MPP4: variants seen among roughly 807,000 people sequenced by gnomAD.
MPP4 encodes the protein MAGUK p55 subfamily member 4.
A neutral mutation model predicts 98.3 loss-of-function variants in MPP4; 91 were observed. The observed-to-expected ratio is 0.93, with a 90% confidence interval of 0.78 to 1.10. The LOEUF (loss-of-function observed/expected upper bound fraction) is 1.10. MPP4 is among the 50% of genes least tolerant of loss of function. MPP4 has a pLI of 0.00. For missense variants in MPP4, 744 were observed against 792.9 expected (o/e 0.94, Z 0.74); for synonymous variants, 261 against 271.8 (o/e 0.96, Z 0.39).
intron 13 of MPP4, chr2:201,665,063 CT>C (rs397868302): frequency 0.015 from 1,675 of 112,986 alleles, 15 homozygotes; most frequent in African/African-American, 0.05. Flanking sequence ...TACATCATTG[CT>C]TTTTTTTTTT....
At chr2:201,660,983 C>A (rs1193388532) in intron 14 of MPP4, among the ~76,000 whole-genome samples, 1 of 152,210 alleles carries the variant, frequency 6.6e-6, no homozygotes, top group African/African-American at 2.4e-5. Flanking sequence ...TGCAATGGTG[C>A]TATCTTGGCT....
At chr2:201,669,305 T>A (rs1305246887) in intron 12 of MPP4, among the ~76,000 whole-genome samples, 2 of 152,190 alleles carry the variant, frequency 1.3e-5, no homozygotes, top group Admixed American at 6.5e-5. Context: ...CTTCTCTCAG[T>A]GTCAATCTTT....
At chr2:201,678,261 T>C (rs778517214) in intron 10 of MPP4, among the ~76,000 whole-genome samples, 1 of 152,030 alleles carries the variant, frequency 6.6e-6, no homozygotes, top group Non-Finnish European at 1.5e-5. Flanking sequence ...CCATGAGGAC[T>C]AATCTCATTA....
intron 7 of MPP4, 92 bp from the exon 8 acceptor site, chr2:201,683,008 C>A: frequency 2.3e-6 from 2 of 874,262 alleles, no homozygotes; most frequent in Non-Finnish European, 1.9e-6. Context: ...ACTCACTAAC[C>A]CAAGCATGCT....
At chr2:201,668,883 C>G (rs916034297) in intron 12 of MPP4, among the ~76,000 whole-genome samples, 4 of 152,124 alleles carry the variant, frequency 2.6e-5, no homozygotes, top group Non-Finnish European at 5.9e-5. Flanking sequence ...CCCCTCTCTC[C>G]CTCACCTTCT....
In MPP4 at chr2:201,682,845, C is replaced by T. The variant is rs1688703663; in HGVS notation, c.646G>A (p.Val216Met). The change falls in exon 8 of 22, where the codon GTG (valine) becomes ATG (methionine). Residue 216 changes from valine to methionine, a missense_variant. By Grantham distance (21) the Val-to-Met change is conservative. Transcript: ENST00000409474. ...AGAAGATTTACCAGAATATGGATCA[C>T]TTGTTCAGGGTCCAGTCCCTCAACT... ...VSVEGLDPEQVIHILAMSRGT... is the reference protein window; with the variant it reads ...VSVEGLDPEQMIHILAMSRGT... 3.1e-6 allele frequency: 5 copies of T among 1,613,826 alleles called. No individual in the cohort carries two copies. The highest frequency in any genetic ancestry group is 1.1e-5 in the South Asian group (1 of 91,084).
intron 5 of MPP4, 83 bp from the exon 6 acceptor site, chr2:201,686,133 G>A: frequency 6.7e-7 from 1 of 1,491,868 alleles, no homozygotes; most frequent in East Asian, 2.4e-5. Flanking sequence ...TACTATCTAA[G>A]ACACAGCAAC....
intron 13 of MPP4, 48 bp downstream of exon 13, chr2:201,666,286 A>G: frequency 6.7e-7 from 1 of 1,481,782 alleles, no homozygotes; most frequent in South Asian, 1.3e-5. Context: ...TATAATTGAC[A>G]TGCTTCATAT....
rs6435092 is a variant in MPP4, at chr2:201,657,609, G to C, written c.1129+868C>G. ...GCCCTTGTTTTTTTTTTGTTTTTTTGTTTTTTTTTGCTTATTGTATCAATC... is the reference window on the plus strand; with the variant it reads ...GCCCTTGTTTTTTTTTTGTTTTTTTCTTTTTTTTTGCTTATTGTATCAATC... On this transcript the variant is annotated intron_variant, in intron 16 of 21. Coordinates refer to ENST00000409474, the MANE Select transcript of MPP4 (RefSeq NM_033066.3). 3.6e-5 allele frequency among the ~76,000 whole-genome samples: 4 copies of C among 111,690 alleles called. 1 individual carries two copies. The highest frequency in any genetic ancestry group is 3.7e-5 in the Non-Finnish European group (2 of 54,262). 73.3% of individuals were successfully genotyped at this position (111,690 alleles called of 152,430 possible).
In MPP4 at chr2:201,684,583, A is replaced by G. The variant is rs151337370; in HGVS notation, c.574+481T>C. Among the ~76,000 whole-genome samples the G allele has an allele frequency of 3.5e-3, 527 of 152,300 alleles. 4 individuals are homozygous for G. The highest frequency in any genetic ancestry group is 0.011 in the African/African-American group (469 of 41,542). On this transcript the variant is annotated intron_variant, in intron 7 of 21. Coordinates refer to ENST00000409474, the MANE Select transcript of MPP4 (RefSeq NM_033066.3). Reference sequence around the variant, plus strand: ...AGGAGAGGAGTAAGATTTCTCTGGAATATTTGTTTCTTCTTTCTTTACTGC... The same window carrying G: ...AGGAGAGGAGTAAGATTTCTCTGGAGTATTTGTTTCTTCTTTCTTTACTGC...
At chr2:201,654,998 C>G (rs1687813857) in intron 17 of MPP4, 81 bp from the exon 18 acceptor site, 2 of 887,364 alleles carry the variant, frequency 2.3e-6, no homozygotes, top group East Asian at 3.0e-5. Flanking sequence ...TTTAGTCCTT[C>G]TACTGAAGAA....
At chr2:201,683,053 G>C in intron 7 of MPP4, 137 bp from the exon 8 acceptor site, 63 of 562,700 alleles carry the variant, frequency 1.1e-4, no homozygotes, top group East Asian at 1.2e-4. Context: ...TAATAGAAAA[G>C]AAAGCTGGTT....
intron 18 of MPP4, among the ~76,000 whole-genome samples, chr2:201,652,351 C>T (rs1345312617): frequency 3.3e-5 from 5 of 151,962 alleles, no homozygotes; most frequent in African/African-American, 7.3e-5. Flanking sequence ...CTCAGCTACT[C>T]GGGAGGCTGA....
rs186378021 is a variant in MPP4 at position 201,685,976 on chromosome 2, G to C, written c.435C>G (p.Ile145Met). ...TCCTCATTGCTTCCTCACTCTCAGG[G>C]ATATTGTCTGGCAGTGGAGGGAGAA... ...EPLLPPLPDN[I>M]PESEEAMRIV... Residue 145 changes from isoleucine to methionine, a missense_variant, in exon 6 of 22, where the codon ATC (isoleucine) becomes ATG (methionine). Transcript: ENST00000409474. The C allele has an allele frequency of 1.5e-4, 241 of 1,613,052 alleles. No individual in the cohort carries two copies. The highest frequency in any genetic ancestry group is 1.9e-4 in the Non-Finnish European group (222 of 1,179,142).
In MPP4 at chr2:201,675,282, G is replaced by A. The variant is rs537634358; in HGVS notation, c.930-11C>T. On this transcript the variant is annotated splice_polypyrimidine_tract_variant and intron_variant, in intron 10 of 21. Coordinates refer to ENST00000409474, the MANE Select transcript of MPP4 (RefSeq NM_033066.3). Reference sequence around the variant, plus strand: ...AATTCCCGTTGCTTCCTATGGGGGGGAAAAAACCATGCGACAAAAAACAAA... The same window carrying A: ...AATTCCCGTTGCTTCCTATGGGGGGAAAAAAACCATGCGACAAAAAACAAA... 34 of 1,598,732 alleles carry A rather than the reference G, an allele frequency of 2.1e-5. No individual in the cohort carries two copies. Among genetic ancestry groups the A allele is most frequent in the South Asian group, 1.9e-4 (17 of 88,758 alleles).
intron 5 of MPP4, 36 bp from the exon 6 acceptor site, chr2:201,686,086 C>T: frequency 1.2e-6 from 2 of 1,604,190 alleles, no homozygotes; most frequent in Non-Finnish European, 1.7e-6. Context: ...GCAAATGTCA[C>T]ACATGGGCCA....
At chr2:201,658,400 C>G in intron 16 of MPP4, 77 bp downstream of exon 16, 1 of 1,276,072 alleles carries the variant, frequency 7.8e-7, no homozygotes, top group South Asian at 1.3e-5. Context: ...GCAAAAGAAA[C>G]TTTCAAAACA....
chr2:201,656,081 A>T (rs1165695750), intron 17 of MPP4, 117 bp downstream of exon 17: 2 of 1,161,952 alleles, frequency 1.7e-6, no homozygotes, highest in East Asian at 2.7e-5. Context: ...TAAAAAAGGT[A>T]TTTGTATGGG....
In MPP4 at chr2:201,686,014, C is replaced by T; in HGVS notation, c.397G>A (p.Asp133Asn). 1 of 1,612,586 alleles carries T rather than the reference C, an allele frequency of 6.2e-7. No individual in the cohort carries two copies. The highest frequency in any genetic ancestry group is 2.2e-5 in the East Asian group (1 of 44,856). ...LSAHDTIAQKDFEPLLPPLPD... is the reference protein window; with the variant it reads ...LSAHDTIAQKNFEPLLPPLPD... ...AGTGGAGGGAGAAGGGGTTCAAAAT[C>T]TTTCTGAGCTATCGTGTCATGGGCA... is the stretch of plus-strand genomic sequence containing the variant. Residue 133 changes from aspartate to asparagine, a missense_variant, in exon 6 of 22, where the codon GAT (aspartate) becomes AAT (asparagine). Transcript: ENST00000409474.
Sources: allele counts gnomAD v4.1 joint callset (sites outside exome capture counted in the v4.1 genomes callset), GRCh38; gene constraint gnomAD v4.1.1; transcripts MANE v1.5; gene names NCBI Gene and HGNC (gene_info 2026-07-23, HGNC 2026-07-21).